RASGRP3: variants seen among roughly 807,000 people sequenced by gnomAD.
RASGRP3 encodes the protein RAS guanyl releasing protein 3, also known as ras guanyl-releasing protein 3.
RASGRP3 carries 54 observed loss-of-function variants against 82.7 expected under a neutral mutation model. That is an observed-to-expected ratio of 0.65 (90% CI 0.52 to 0.82). The LOEUF is 0.82. RASGRP3 is among the 40% of genes least tolerant of loss of function. The pLI, the probability that RASGRP3 is intolerant of heterozygous loss-of-function variation, is 0.00. For synonymous variants in RASGRP3, 309 were observed against 300.5 expected, an observed-to-expected ratio of 1.03 and a Z score of -0.29; for missense variants, 861 against 828.9, an observed-to-expected ratio of 1.04 and a Z score of -0.48.
chr2:33,469,794 A>T (rs746004463), intron 2 of RASGRP3, among the ~76,000 whole-genome samples: 53 of 152,326 alleles, frequency 3.5e-4, no homozygotes, highest in Non-Finnish European at 6.5e-4. Context: ...TTAGTCTAAC[A>T]TGCTTTTACT....
upstream of RASGRP3, among the ~76,000 whole-genome samples, chr2:33,475,229 T>C (rs1484414449): frequency 1.3e-5 from 2 of 152,238 alleles, no homozygotes; most frequent in Admixed American, 1.3e-4. Flanking sequence ...TTTTGGTGCT[T>C]ACAAAATTCT....
chr2:33,556,170 C>T (rs1388420549), intron 15 of RASGRP3, among the ~76,000 whole-genome samples: 3 of 149,852 alleles, frequency 2.0e-5, no homozygotes, highest in Non-Finnish European at 4.4e-5. Context: ...GTATACATTA[C>T]TGTTGTTTAA....
intron 1 of RASGRP3, among the ~76,000 whole-genome samples, chr2:33,501,429 G>T (rs1024310212): frequency 6.6e-6 from 1 of 152,152 alleles, no homozygotes; most frequent in Non-Finnish European, 1.5e-5. Context: ...GAATTTGCTA[G>T]ATCATATGAT....
chr2:33,539,540 T>A, intron 12 of RASGRP3: 1 of 151,462 alleles, frequency 6.6e-6, no homozygotes. Context: ...TAGGTCCCAC[T>A]AAGATGCCCA....
chr2:33,534,400 G>A lies in RASGRP3; in HGVS notation c.1161G>A (p.Ser387=), dbSNP rs760682537. 23 of 1,537,798 alleles carry A rather than the reference G, an allele frequency of 1.5e-5. No homozygotes were observed. Among genetic ancestry groups the A allele is most frequent in the Middle Eastern group, 1.7e-4 (1 of 5,950 alleles). The change falls in exon 11 of 18, where the codon TCG becomes TCA. Residue 387 remains serine (S), a splice_region_variant and synonymous_variant. Coordinates refer to ENST00000403687, the MANE Select transcript of RASGRP3 (RefSeq NM_001139488.2). ...SLVLEPRNSK[S]QPTSPTTPNK... ...TGCTGGAGCCTAGAAATTCTAAATC[G>A]GTAGGTATTATTTTCTCTCCAAGGA...
At chr2:33,536,322 G>GAAA (rs35520392) in intron 11 of RASGRP3, among the ~76,000 whole-genome samples, 1 of 127,754 alleles carries the variant, frequency 7.8e-6, no homozygotes, top group Non-Finnish European at 1.6e-5. Context: ...ATTTAAAAAA[G>GAAA]AAAAAAAAAA....
chr2:33,464,886 A>C (rs967465684), intron 2 of RASGRP3, among the ~76,000 whole-genome samples: 2 of 152,162 alleles, frequency 1.3e-5, no homozygotes, highest in Admixed American at 6.5e-5. Context: ...ACTGCTCTAC[A>C]AACTGGCCAT....
intron 1 of RASGRP3, among the ~76,000 whole-genome samples, chr2:33,499,773 A>G (rs111346493): frequency 2.7e-4 from 37 of 135,722 alleles, no homozygotes; most frequent in Non-Finnish European, 4.3e-4. Flanking sequence ...CAAAAAAAAA[A>G]AGAGAGGATA....
intron 2 of RASGRP3, among the ~76,000 whole-genome samples, chr2:33,463,577 G>A (rs1014739584): frequency 8.2e-5 from 12 of 146,454 alleles, no homozygotes; most frequent in Non-Finnish European, 1.6e-4. Context: ...GGTAGAAGCT[G>A]TCTGCTCCTT....
chr2:33,506,938 G>A (rs1176314094), intron 1 of RASGRP3, among the ~76,000 whole-genome samples: 1 of 152,164 alleles, frequency 6.6e-6, no homozygotes, highest in Non-Finnish European at 1.5e-5. Flanking sequence ...GTTTGACAGT[G>A]ATGACAGTAT....
intron 1 of RASGRP3, among the ~76,000 whole-genome samples, chr2:33,478,001 C>G (rs897214498): frequency 6.6e-6 from 1 of 152,158 alleles, no homozygotes; most frequent in Non-Finnish European, 1.5e-5. Flanking sequence ...TTCTTTCGCC[C>G]TCTGCCCCCT....
chr2:33,562,777 T>C lies in RASGRP3; in HGVS notation c.*40T>C, dbSNP rs2151130258. 1 of 1,607,996 alleles carries C rather than the reference T, an allele frequency of 6.2e-7. No individual in the cohort carries two copies. The highest frequency in any genetic ancestry group is 8.5e-7 in the Non-Finnish European group (1 of 1,174,574). ...AACTGAAGGCAATAATGTTGGCTTT[T>C]GGAAGGGGCAAGACGAGAAACTCTG... On this transcript the variant is annotated 3_prime_UTR_variant, in exon 18 of 18. Transcript: ENST00000403687.
intron 2 of RASGRP3, among the ~76,000 whole-genome samples, chr2:33,450,152 CATG>C (rs796343729): frequency 2.6e-5 from 4 of 152,266 alleles, no homozygotes; most frequent in African/African-American, 9.6e-5. Flanking sequence ...TGATGTAAAA[CATG>C]ATGTTTTGAT....
chr2:33,484,365 G>T (rs1307729249), intron 1 of RASGRP3, among the ~76,000 whole-genome samples: 1 of 152,122 alleles, frequency 6.6e-6, no homozygotes. Flanking sequence ...TAAGAATTGG[G>T]TATAATCTCC....
At position 33,527,382 on chromosome 2, in the gene RASGRP3, A is replaced by C. The variant is rs763158947; in HGVS notation, c.1053A>C (p.Glu351Asp). 6.2e-7 allele frequency: 1 copy of C among 1,613,714 alleles called. No individual in the cohort carries two copies. The highest frequency in any genetic ancestry group is 1.3e-5 in the African/African-American group (1 of 75,002). ...TGCAGAATGCCTCTCACCACTTAGAACCCAACATGGATTTGATCAACCTGC... is the reference window on the plus strand; with the variant it reads ...TGCAGAATGCCTCTCACCACTTAGACCCCAACATGGATTTGATCAACCTGC... ...VSLQNASHHLEPNMDLINLLT... is the reference protein window; with the variant it reads ...VSLQNASHHLDPNMDLINLLT... The change falls in exon 10 of 18, where the codon GAA (glutamate) becomes GAC (aspartate). Residue 351 changes from glutamate to aspartate, a missense_variant. Physicochemically the swap from Glu to Asp is conservative, Grantham distance 45 (BLOSUM62 2). Coordinates refer to ENST00000403687, the MANE Select transcript of RASGRP3 (RefSeq NM_001139488.2).
intron 1 of RASGRP3, among the ~76,000 whole-genome samples, chr2:33,497,599 C>G (rs535997006): frequency 3.3e-5 from 5 of 152,316 alleles, no homozygotes; most frequent in Admixed American, 3.3e-4. Context: ...AATGTCCAGA[C>G]TTGGATCCCA....
intron 1 of RASGRP3, among the ~76,000 whole-genome samples, chr2:33,498,234 C>G (rs1473554620): frequency 1.3e-5 from 2 of 152,180 alleles, no homozygotes; most frequent in Non-Finnish European, 2.9e-5. Context: ...CTGTTATTAA[C>G]TTACTTAGTT....
chr2:33,510,736 A>T (rs1574382142), intron 1 of RASGRP3, among the ~76,000 whole-genome samples: 1 of 152,274 alleles, frequency 6.6e-6, no homozygotes, highest in African/African-American at 2.4e-5. Context: ...AACTCCTTAA[A>T]CAGTCTAGTA....
Position 33,469,209 on chromosome 2 carries a change from C to T in RASGRP3, c.-261+21266C>T, listed in dbSNP as rs73926668. On this transcript the variant is annotated intron_variant, in intron 2 of 18. Coordinates refer to the RASGRP3 transcript ENST00000402538. ...GTAAATGCTATTTATATGTTAAGAC[C>T]ATTAACCCTTTACCATACGTATTTC... is the stretch of plus-strand genomic sequence containing the variant. Among the ~76,000 whole-genome samples the T allele has an allele frequency of 4.6e-3, 695 of 152,072 alleles. 4 individuals are homozygous for T. The highest frequency in any genetic ancestry group is 0.016 in the African/African-American group (661 of 41,490).
Sources: allele counts gnomAD v4.1 joint callset (sites outside exome capture counted in the v4.1 genomes callset), GRCh38; gene constraint gnomAD v4.1.1; transcripts MANE v1.5; gene names NCBI Gene and HGNC (gene_info 2026-07-23, HGNC 2026-07-21).